NBPF15: variants seen among roughly 807,000 people sequenced by gnomAD.
The protein encoded by NBPF15 is NBPF family member NBPF15.
Under a neutral mutation model 62.2 loss-of-function variants are expected in NBPF15, and 74 were observed. That is an observed-to-expected ratio of 1.19 (90% CI 0.99 to 1.44). The LOEUF is 1.44. Among genes scored for constraint, NBPF15 ranks in the 40% most tolerant of loss-of-function variants. NBPF15 has a pLI of 0.00. For synonymous variants in NBPF15, 244 were observed against 209.7 expected, an observed-to-expected ratio of 1.16 and a Z score of -1.41; for missense variants, 790 against 550.0, an observed-to-expected ratio of 1.44 and a Z score of -4.36.
In NBPF15 at chr1:144,435,026, G is replaced by C. The variant is rs1169638964; in HGVS notation, c.772+85C>G. ...ACCCATCACAGTTTTTTATTCAAAT[G>C]AATTTGTGTTGATAGAGCCTGTCTT... On this transcript the variant is annotated intron_variant, in intron 12 of 21. Transcript: ENST00000581897. 1.9e-6 allele frequency: 3 copies of C among 1,610,032 alleles called. No individual in the cohort carries two copies. The African/African-American group carries it at 4.0e-5, about 22-fold the overall frequency.
chr1:144,445,174 C>A (rs1340389398), intron 6 of NBPF15, among the ~76,000 whole-genome samples: 1 of 150,002 alleles, frequency 6.7e-6, no homozygotes, highest in East Asian at 2.0e-4. Flanking sequence ...TCTGAAGTAT[C>A]TATTCAAGTC....
intron 3 of NBPF15, among the ~76,000 whole-genome samples, chr1:144,458,663 A>G (rs1245183454): frequency 6.6e-6 from 1 of 151,398 alleles, no homozygotes; most frequent in African/African-American, 2.4e-5. Flanking sequence ...GATTTAAGAA[A>G]AAAAGTGCCA....
chr1:144,453,900 AACT>A, intron 4 of NBPF15, among the ~76,000 whole-genome samples: 1 of 134,344 alleles, frequency 7.4e-6, no homozygotes, highest in Non-Finnish European at 1.5e-5. Context: ...CACTTTGGAC[AACT>A]TAAGTTCATT....
chr1:144,437,473 C>A (rs1301979772), intron 9 of NBPF15, among the ~76,000 whole-genome samples: 1 of 145,578 alleles, frequency 6.9e-6, no homozygotes, highest in Non-Finnish European at 1.5e-5. Flanking sequence ...AGATACAAAG[C>A]CATGTACAGA....
chr1:144,443,218 A>AT (rs1403068172), intron 6 of NBPF15, among the ~76,000 whole-genome samples: 4 of 152,008 alleles, frequency 2.6e-5, no homozygotes, highest in South Asian at 2.1e-4. Context: ...GTTTTGATGG[A>AT]TTTTTTATGA....
At chr1:144,432,680 T>C (rs1251083839) in intron 13 of NBPF15, among the ~76,000 whole-genome samples, 1 of 151,872 alleles carries the variant, frequency 6.6e-6, no homozygotes, top group African/African-American at 2.4e-5. Flanking sequence ...TAAAACAGAC[T>C]TTAAACCAAC....
chr1:144,460,025 A>ATT (rs1651431949), intron 2 of NBPF15, among the ~76,000 whole-genome samples: 1 of 33,000 alleles, frequency 3.0e-5, no homozygotes. Context: ...CATTACCTGT[A>ATT]CTTTTTTTTT....
At chr1:144,450,259 T>C (rs1420392171) in intron 5 of NBPF15, among the ~76,000 whole-genome samples, 12 of 132,566 alleles carry the variant, frequency 9.1e-5, no homozygotes, top group Admixed American at 3.9e-4. Flanking sequence ...CATCACTCCA[T>C]ACATGACAGA....
intron 9 of NBPF15, among the ~76,000 whole-genome samples, chr1:144,437,502 T>C (rs587608715): frequency 6.9e-6 from 1 of 145,172 alleles, no homozygotes; most frequent in African/African-American, 2.6e-5. Flanking sequence ...CAGGTGCAGA[T>C]GGGGTGAATT....
Position 144,426,371 on chromosome 1 carries a change from C to G in NBPF15, c.1345G>C (p.Asp449His), listed in dbSNP as rs2101655048. 9 of 890,216 alleles carry G rather than the reference C, an allele frequency of 1.0e-5. 1 individual carries two copies. The East Asian group carries it at 2.2e-4, about 21-fold the overall frequency. The allele number at this position is 890,216 out of a possible 1,614,324, so 55.1% of individuals were successfully genotyped here. Residue 449 changes from aspartate (D) to histidine (H), a missense_variant, in exon 18 of 22, where the codon GAT becomes CAT. Physicochemically the swap from Asp to His is moderately conservative, Grantham distance 81 (BLOSUM62 -1). Coordinates refer to ENST00000581897, the MANE Select transcript of NBPF15 (RefSeq NM_001385408.1). ...CCTAAGTCAGGCAGTTCAAGATAAT[C>G]TGAAGGAGTCGAATAACATCTATCC... ...SLDRCYSTPS[D>H]YLELPDLGQP...
chr1:144,424,126 G>C (rs1382785180), intron 20 of NBPF15, among the ~76,000 whole-genome samples, 151 bp from the exon 21 acceptor site: 16 of 152,060 alleles, frequency 1.1e-4, no homozygotes, highest in Non-Finnish European at 2.1e-4. Context: ...CTGAAGGCTG[G>C]TCATGATATA....
Position 144,423,945 on chromosome 1 carries a change from C to T in NBPF15, c.1694G>A (p.Arg565Lys). 1.3e-6 allele frequency: 1 copy of T among 778,564 alleles called. No homozygotes were observed. 48.2% of individuals were successfully genotyped at this position (778,564 alleles called of 1,614,324 possible). ...EIEKKGKGKK[R>K]RGRRSKKKRR... Reference sequence around the variant, plus strand: ...TTTCTTCTTTGATCTTCTTCCCCTTCTTTTCTTCCCCTTCCCCTTCTTTTC... The same window carrying T: ...TTTCTTCTTTGATCTTCTTCCCCTTTTTTTCTTCCCCTTCCCCTTCTTTTC... Residue 565 changes from arginine to lysine, a missense_variant, in exon 21 of 22, where the codon AGA becomes AAA. Physicochemically the swap from Arg to Lys is conservative, Grantham distance 26. Coordinates refer to ENST00000581897, the MANE Select transcript of NBPF15 (RefSeq NM_001385408.1).
intron 10 of NBPF15, among the ~76,000 whole-genome samples, chr1:144,436,237 A>C (rs1467412671): frequency 2.6e-5 from 4 of 151,966 alleles, no homozygotes; most frequent in Non-Finnish European, 5.9e-5. Context: ...GAAGCAGACA[A>C]ACTTGTCCCA....
intron 13 of NBPF15, among the ~76,000 whole-genome samples, chr1:144,433,063 C>T (rs1481086868): frequency 2.0e-5 from 3 of 151,976 alleles, no homozygotes; most frequent in African/African-American, 4.8e-5. Flanking sequence ...AGGTAAAGCA[C>T]TCGTCAGCAA....
At chr1:144,461,339 C>G (rs1185881206) in intron 1 of NBPF15, 42 bp downstream of exon 1, 1 of 151,538 alleles carries the variant, frequency 6.6e-6, no homozygotes, top group Non-Finnish European at 1.5e-5. Flanking sequence ...TTGCGACAGC[C>G]GCAGCTCGAC....
chr1:144,442,062 T>A (rs1256324528), intron 6 of NBPF15, among the ~76,000 whole-genome samples: 25 of 138,702 alleles, frequency 1.8e-4, no homozygotes, highest in Non-Finnish European at 3.7e-4. Flanking sequence ...CTAATGTAAG[T>A]GACGAGTTAA....
chr1:144,430,841 G>A (rs1193487669), intron 13 of NBPF15, among the ~76,000 whole-genome samples: 4 of 151,876 alleles, frequency 2.6e-5, no homozygotes, highest in Non-Finnish European at 2.9e-5. Flanking sequence ...AAGATTAGAC[G>A]AATGGCTAAC....
chr1:144,431,125 A>G (rs1673918419), intron 13 of NBPF15, among the ~76,000 whole-genome samples: 1 of 151,512 alleles, frequency 6.6e-6, no homozygotes, highest in Admixed American at 6.6e-5. Context: ...GACGGGGAGA[A>G]TGGAACCAAG....
At chr1:144,423,279 A>C (rs587611805) in intron 21 of NBPF15, 23 bp from the exon 22 acceptor site, 1 of 1,611,550 alleles carries the variant, frequency 6.2e-7, no homozygotes, top group South Asian at 1.1e-5. Flanking sequence ...ACAAAACTAA[A>C]GAAGCAGCCA....
Sources: gnomAD v4.1 joint callset for allele counts (sites outside exome capture counted in the v4.1 genomes callset) on GRCh38, gnomAD v4.1.1 for gene constraint, MANE v1.5 for transcripts, NCBI Gene and HGNC (gene_info 2026-07-23, HGNC 2026-07-21) for gene names.